Variants in COL5A2 observed in about 807,000 individuals in gnomAD.
COL5A2 encodes the protein collagen type V alpha 2 chain, also known as collagen alpha-2(V) chain.
COL5A2 carries 23 observed loss-of-function variants against 208.2 expected under a neutral mutation model. The observed-to-expected ratio is 0.11, with a 90% CI of 0.08 to 0.16. The LOEUF is 0.16. Ranked by LOEUF, COL5A2 falls within the 10% of genes least tolerant of loss-of-function variation. The pLI, the probability that COL5A2 is intolerant of heterozygous loss-of-function variation, is 1.00. For synonymous variants in COL5A2, 625 were observed against 628.5 expected (o/e 0.99, Z 0.08); for missense variants, 1,590 against 1,956.4 (o/e 0.81, Z 3.53).
At chr2:189,179,389 G>T in intron 1 of COL5A2, 119 bp downstream of exon 1, 1 of 1,123,734 alleles carries the variant, frequency 8.9e-7, no homozygotes. Context: ...AAATCCGTCA[G>T]CCCCCTTCTC....
At chr2:189,089,050 G>A (rs945502506) in intron 7 of COL5A2, among the ~76,000 whole-genome samples, 2 of 152,152 alleles carry the variant, frequency 1.3e-5, no homozygotes, top group Non-Finnish European at 2.9e-5. Context: ...AGCATGGATT[G>A]TTCTGATAAG....
chr2:189,216,160 T>A (rs10931402), intron 1 of COL5A2, among the ~76,000 whole-genome samples: 1 of 152,072 alleles, frequency 6.6e-6, no homozygotes, highest in Non-Finnish European at 1.5e-5. Context: ...GCAAGTCAAA[T>A]TAATTGTAAT....
chr2:189,358,267 T>C, the COL5A2 span, among the ~76,000 whole-genome samples: 4 of 152,182 alleles, frequency 2.6e-5, no homozygotes, highest in African/African-American at 9.7e-5. Flanking sequence ...ATATTAGTGC[T>C]CATTTACAAT....
At chr2:189,420,679 G>A in the COL5A2 span, among the ~76,000 whole-genome samples, 4 of 152,012 alleles carry the variant, frequency 2.6e-5, no homozygotes, top group African/African-American at 7.2e-5. Context: ...AAAGATAGAT[G>A]AATGAAATCA....
intron 1 of COL5A2, among the ~76,000 whole-genome samples, chr2:189,197,851 CTT>C (rs775634726): frequency 5.6e-5 from 5 of 88,944 alleles, no homozygotes; most frequent in Admixed American, 1.4e-4. Context: ...CTCATAGGCT[CTT>C]GTTTTTTTTT....
intron 6 of COL5A2, among the ~76,000 whole-genome samples, chr2:189,093,587 A>G (rs1686835112): frequency 6.6e-6 from 1 of 152,218 alleles, no homozygotes; most frequent in African/African-American, 2.4e-5. Context: ...TTATATAGAC[A>G]TATTTACTTC....
chr2:189,262,823 T>C, the COL5A2 span, among the ~76,000 whole-genome samples: 5 of 152,132 alleles, frequency 3.3e-5, no homozygotes, highest in African/African-American at 1.2e-4. Context: ...AAGATTCTCA[T>C]TATCAACCAA....
chr2:189,323,021 C>G, the COL5A2 span, among the ~76,000 whole-genome samples: 3 of 152,058 alleles, frequency 2.0e-5, no homozygotes, highest in Non-Finnish European at 4.4e-5. Context: ...TCAACATACA[C>G]AAATCAATAA....
At chr2:189,127,738 T>C (rs1367838801) in intron 1 of COL5A2, among the ~76,000 whole-genome samples, 2 of 152,062 alleles carry the variant, frequency 1.3e-5, no homozygotes, top group African/African-American at 4.8e-5. Context: ...CCCAGATTTC[T>C]CTTGCCTGAT....
At chr2:189,079,899 G>T in intron 14 of COL5A2, 79 bp downstream of exon 14, 1 of 1,170,350 alleles carries the variant, frequency 8.5e-7, no homozygotes, top group Non-Finnish European at 1.3e-6. Context: ...GAATTAAGGT[G>T]GTTCTGAAAA....
At chr2:189,388,539 C>T in the COL5A2 span, among the ~76,000 whole-genome samples, 2 of 152,080 alleles carry the variant, frequency 1.3e-5, no homozygotes, top group African/African-American at 4.8e-5. Context: ...AGATAAATGG[C>T]GGGATTTTGT....
the COL5A2 span, among the ~76,000 whole-genome samples, chr2:189,424,906 A>G: frequency 1.3e-5 from 2 of 152,184 alleles, no homozygotes; most frequent in African/African-American, 4.8e-5. Flanking sequence ...TGACTTCAAG[A>G]TATATTACAA....
intron 8 of COL5A2, among the ~76,000 whole-genome samples, chr2:189,087,842 T>TC (rs141912778): frequency 1.3e-5 from 2 of 150,644 alleles, no homozygotes; most frequent in African/African-American, 4.9e-5. Context: ...AAGCTCCATT[T>TC]AAAAAAAACC....
At chr2:189,308,729 A>C in the COL5A2 span, among the ~76,000 whole-genome samples, 7 of 152,134 alleles carry the variant, frequency 4.6e-5, no homozygotes, top group African/African-American at 1.7e-4. Context: ...TGCCAATTAG[A>C]AAACCTTTGA....
At chr2:189,353,843 G>C in the COL5A2 span, among the ~76,000 whole-genome samples, 11 of 152,296 alleles carry the variant, frequency 7.2e-5, no homozygotes, top group Non-Finnish European at 1.5e-4. Context: ...GGAGTGGTGA[G>C]AGAGGGCAAC....
the COL5A2 span, among the ~76,000 whole-genome samples, chr2:189,396,860 C>CG: frequency 6.6e-6 from 1 of 150,762 alleles, no homozygotes; most frequent in Admixed American, 6.6e-5. Context: ...GCCATGGTGG[C>CG]GGGCACCTGT....
At chr2:189,423,521 T>C in the COL5A2 span, among the ~76,000 whole-genome samples, 5 of 151,364 alleles carry the variant, frequency 3.3e-5, no homozygotes, top group East Asian at 9.7e-4. Context: ...AAAAATAAAA[T>C]TAGAAATGAA....
At chr2:189,270,893 ACT>A in the COL5A2 span, among the ~76,000 whole-genome samples, 1 of 152,136 alleles carries the variant, frequency 6.6e-6, no homozygotes. Flanking sequence ...TCATGAGTGA[ACT>A]CTCATTCACA....
At chr2:189,235,770 G>C in the COL5A2 span, among the ~76,000 whole-genome samples, 53 of 151,780 alleles carry the variant, frequency 3.5e-4, no homozygotes, top group East Asian at 8.3e-3. Flanking sequence ...ATGCAGAAAA[G>C]AGTTAACATA....
Sources: gnomAD v4.1 joint callset for allele counts (sites outside exome capture counted in the v4.1 genomes callset) on GRCh38, gnomAD v4.1.1 for gene constraint, MANE v1.5 for transcripts, NCBI Gene and HGNC (gene_info 2026-07-23, HGNC 2026-07-21) for gene names.